HS6ST2: variants seen among roughly 807,000 people sequenced by gnomAD.
HS6ST2 encodes the protein heparan-sulfate 6-O-sulfotransferase 2.
In HS6ST2, 17 loss-of-function variants were observed where a neutral mutation model predicts 33.0. The ratio of observed to expected loss-of-function variants is 0.52; its 90% CI spans 0.35 to 0.77. The LOEUF (loss-of-function observed/expected upper bound fraction) is 0.77. Among genes scored for constraint, HS6ST2 ranks in the 30% least tolerant of loss-of-function variants. The pLI, the probability that HS6ST2 is intolerant of heterozygous loss-of-function variation, is 0.01. For missense variants in HS6ST2, 519 were observed against 551.7 expected (o/e 0.94, Z 0.59); for synonymous variants, 248 against 237.1 (o/e 1.05, Z -0.42).
intron 2 of HS6ST2, among the ~76,000 whole-genome samples, chrX:132,954,979 A>G (rs1488542694): frequency 1.8e-5 from 2 of 111,806 alleles, no homozygotes; most frequent in Non-Finnish European, 3.8e-5. Flanking sequence ...TCTGACCTAC[A>G]TGTTCAAAAG....
At chrX:132,696,269 A>G (rs1380918630) in intron 3 of HS6ST2, among the ~76,000 whole-genome samples, 3 of 111,593 alleles carry the variant, frequency 2.7e-5, no homozygotes, top group African/African-American at 9.8e-5. Flanking sequence ...GTCTGTCTCC[A>G]TGCCTGCCCG....
intron 2 of HS6ST2, among the ~76,000 whole-genome samples, chrX:132,875,737 C>T (rs2066103824): frequency 8.9e-6 from 1 of 112,400 alleles, no homozygotes; most frequent in Admixed American, 9.4e-5. Flanking sequence ...TGGAAAAACA[C>T]ACTTAAGCCC....
chrX:132,677,061 C>T, intron 3 of HS6ST2, among the ~76,000 whole-genome samples: 1 of 111,782 alleles, frequency 8.9e-6, no homozygotes, highest in East Asian at 2.8e-4. Flanking sequence ...TAGTTGAGCC[C>T]GAAGTTCTAT....
At chrX:132,822,284 T>G (rs2065467721) in intron 2 of HS6ST2, among the ~76,000 whole-genome samples, 1 of 111,327 alleles carries the variant, frequency 9.0e-6, no homozygotes, top group Admixed American at 9.5e-5. Context: ...CTGTGTCCCT[T>G]TCTTCCCCTG....
chrX:132,801,605 C>T (rs1386732054), intron 2 of HS6ST2, among the ~76,000 whole-genome samples: 2 of 111,686 alleles, frequency 1.8e-5, no homozygotes, highest in East Asian at 2.8e-4. Context: ...TTCCTTCCTC[C>T]CTTGGTCCAA....
chrX:132,839,885 G>GAC (rs761891596), intron 2 of HS6ST2, among the ~76,000 whole-genome samples: 6 of 110,898 alleles, frequency 5.4e-5, no homozygotes, highest in Admixed American at 2.9e-4. Context: ...GGGAGGCCGA[G>GAC]ACACGTAAAT....
chrX:132,844,642 G>A (rs2065734607), intron 2 of HS6ST2, among the ~76,000 whole-genome samples: 1 of 110,476 alleles, frequency 9.1e-6, no homozygotes, highest in Non-Finnish European at 1.9e-5. Flanking sequence ...TACTTTTCTG[G>A]CCCCCTCCCA....
chrX:132,883,769 A>G (rs1314860948), intron 2 of HS6ST2, among the ~76,000 whole-genome samples: 1 of 111,423 alleles, frequency 9.0e-6, no homozygotes, highest in Non-Finnish European at 1.9e-5. Context: ...GGCTGTCTTA[A>G]CTGACACCGT....
At chrX:132,956,144 C>T (rs1300250608) in intron 2 of HS6ST2, among the ~76,000 whole-genome samples, 1 of 111,541 alleles carries the variant, frequency 9.0e-6, no homozygotes, top group Non-Finnish European at 1.9e-5. Context: ...CACCCAGTCG[C>T]CCGGGAAGAC....
intron 4 of HS6ST2, among the ~76,000 whole-genome samples, chrX:132,643,995 G>T (rs1418075400): frequency 1.8e-5 from 2 of 111,962 alleles, no homozygotes; most frequent in African/African-American, 6.5e-5. Flanking sequence ...CTGGAATTGA[G>T]CTTAATTCTC....
chrX:132,649,216 C>T (rs2063670277), intron 4 of HS6ST2, among the ~76,000 whole-genome samples: 1 of 111,946 alleles, frequency 8.9e-6, no homozygotes, highest in East Asian at 2.8e-4. Flanking sequence ...TATTCCATCT[C>T]TACAAACTGC....
At chrX:132,685,894 C>G in intron 3 of HS6ST2, among the ~76,000 whole-genome samples, 1 of 112,500 alleles carries the variant, frequency 8.9e-6, no homozygotes, top group Non-Finnish European at 1.9e-5. Context: ...AATCAGCACC[C>G]TTTTCCATTA....
chrX:132,844,646 C>A (rs1944788636), intron 2 of HS6ST2, among the ~76,000 whole-genome samples: 1 of 110,935 alleles, frequency 9.0e-6, no homozygotes, highest in Admixed American at 9.6e-5. Context: ...TTTCTGGCCC[C>A]CTCCCAACAC....
At position 132,729,522 on chromosome X, in the gene HS6ST2, G is replaced by T. The variant is rs1248707577; in HGVS notation, c.948-21028C>A. Among the ~76,000 whole-genome samples, 3 of 111,372 alleles carry T rather than the reference G, an allele frequency of 2.7e-5. No individual in the cohort carries two copies. In the East Asian group the frequency reaches 8.5e-4, roughly 32 times the overall value. ...CTTTTCCAAATATATGTCTGTGTGAGGCTGGATTTTCTTCATATACTTCAA... is the reference window on the plus strand; with the variant it reads ...CTTTTCCAAATATATGTCTGTGTGATGCTGGATTTTCTTCATATACTTCAA... On this transcript the variant is annotated intron_variant, in intron 2 of 4. Coordinates refer to ENST00000370833, the MANE Select transcript of HS6ST2 (RefSeq NM_001394073.1).
intron 2 of HS6ST2, among the ~76,000 whole-genome samples, chrX:132,873,778 A>C (rs1757756202): frequency 9.0e-6 from 1 of 111,558 alleles, no homozygotes; most frequent in Non-Finnish European, 1.9e-5. Flanking sequence ...CTTGTTAAGA[A>C]TAGAAGTATC....
chrX:132,753,066 A>T (rs774508614), intron 2 of HS6ST2, among the ~76,000 whole-genome samples: 2 of 111,669 alleles, frequency 1.8e-5, no homozygotes, highest in South Asian at 7.7e-4. Flanking sequence ...GCTTGGCAGG[A>T]ATAAAGCAGC....
At chrX:132,933,912 G>C (rs1569504945) in intron 2 of HS6ST2, among the ~76,000 whole-genome samples, 1 of 110,915 alleles carries the variant, frequency 9.0e-6, no homozygotes, top group Non-Finnish European at 1.9e-5. Context: ...AGAAAACAAA[G>C]TATCTCATGT....
At chrX:132,936,117 T>C (rs2066820343) in intron 2 of HS6ST2, among the ~76,000 whole-genome samples, 2 of 109,845 alleles carry the variant, frequency 1.8e-5, no homozygotes, top group Admixed American at 9.8e-5. Flanking sequence ...GAGAAAAGAC[T>C]CAATTATTAA....
intron 2 of HS6ST2, among the ~76,000 whole-genome samples, chrX:132,854,268 G>C (rs2065831372): frequency 1.8e-5 from 2 of 112,302 alleles, no homozygotes; most frequent in African/African-American, 6.5e-5. Flanking sequence ...AGGAGACTCA[G>C]ACTTAATTAC....
Sources: gnomAD v4.1 joint callset for allele counts (sites outside exome capture counted in the v4.1 genomes callset) on GRCh38, gnomAD v4.1.1 for gene constraint, MANE v1.5 for transcripts, NCBI Gene and HGNC (gene_info 2026-07-23, HGNC 2026-07-21) for gene names.